The following BBIP1 variants were observed in gnomAD, a reference collection of about 807,000 sequenced individuals.
BBIP1 encodes the protein BBSome interacting protein 1.
A neutral mutation model predicts 8.9 loss-of-function variants in BBIP1; 6 were observed. The observed-to-expected ratio is 0.67, with a 90% CI of 0.37 to 1.33. The LOEUF is 1.33. BBIP1 is among the 40% of genes most tolerant of loss of function. The probability of loss-of-function intolerance (pLI) is 0.02; values close to 1 mark genes in which losing one functional copy is unlikely to be tolerated. For synonymous variants in BBIP1, 32 were observed against 33.4 expected, an observed-to-expected ratio of 0.96 and a Z score of 0.14; for missense variants, 111 against 109.2, an observed-to-expected ratio of 1.02 and a Z score of -0.07.
At position 110,901,571 on chromosome 10, in the gene BBIP1, T is replaced by TTTAATTCTTA. The variant is rs1473726560; in HGVS notation, c.78_79insTAAGAATTAA (p.Lys27Ter). 1.6e-5 allele frequency: 24 copies of TTTAATTCTTA among 1,535,586 alleles called. No individual in the cohort carries two copies. The highest frequency in any genetic ancestry group is 2.0e-5 in the Admixed American group (1 of 50,982). Reference sequence around the variant, plus strand: ...GGAAGAACTTCCCGGAACATTGACTTCACTTCTGCCATATCTGAGTTGTTG... The same window carrying TTTAATTCTTA: ...GGAAGAACTTCCCGGAACATTGACTTTTAATTCTTACACTTCTGCCATATCTGAGTTGTTG... On this transcript the variant is annotated stop_gained and frameshift_variant, in exon 3 of 4. Coordinates refer to ENST00000448814, the MANE Select transcript of BBIP1 (RefSeq NM_001195305.3). LOFTEE classifies it high-confidence loss of function.
In BBIP1 at chr10:110,900,350, C is replaced by CAGTT; in HGVS notation, c.*6_*9dup. 4.6e-6 allele frequency: 7 copies of CAGTT among 1,532,024 alleles called. No homozygotes were observed. The highest frequency in any genetic ancestry group is 6.1e-6 in the Non-Finnish European group (7 of 1,145,732). The allele number at this position is 1,532,024 out of a possible 1,614,324, so 94.9% of individuals were successfully genotyped here. On this transcript the variant is annotated 3_prime_UTR_variant, in exon 4 of 4. Transcript: ENST00000448814. ...AAGGCAGGTTGTTCCCTAAAGTGCT[C>CAGTT]AGTTATCATTCAGTGGGTTATTTGC... is the stretch of plus-strand genomic sequence containing the variant.
At chr10:110,913,284 A>C (rs1281000710) in intron 2 of BBIP1, among the ~76,000 whole-genome samples, 6 of 152,230 alleles carry the variant, frequency 3.9e-5, no homozygotes, top group Admixed American at 1.3e-4. Context: ...TGGATGTAAA[A>C]GTCCTTAGAA....
At chr10:110,907,356 TA>T (rs1846168885) in intron 2 of BBIP1, 2 of 166,848 alleles carry the variant, frequency 1.2e-5, no homozygotes, top group African/African-American at 2.4e-5. Context: ...TACAAAAAAT[TA>T]ACAAAAATTA....
At chr10:110,903,304 A>G (rs1846050358) in intron 2 of BBIP1, 1 of 152,252 alleles carries the variant, frequency 6.6e-6, no homozygotes. Context: ...TGGCCTGACA[A>G]AAACAATGAA....
Position 110,899,539 on chromosome 10 carries a change from T to C in BBIP1, c.*821A>G, listed in dbSNP as rs1184824515. ...AGGGCTGGGCACGGTGGCTCATGCCTGTAATCCCAGCACTTTGGGAGGCCG... is the reference window on the plus strand; with the variant it reads ...AGGGCTGGGCACGGTGGCTCATGCCCGTAATCCCAGCACTTTGGGAGGCCG... On this transcript the variant is annotated 3_prime_UTR_variant, in exon 4 of 4. Coordinates refer to ENST00000448814, the MANE Select transcript of BBIP1 (RefSeq NM_001195305.3). 6.6e-6 allele frequency: 1 copy of C among 152,318 alleles called. No individual in the cohort carries two copies. Among genetic ancestry groups the C allele is most frequent in the Non-Finnish European group, 1.5e-5 (1 of 68,116 alleles). The allele number at this position is 152,318 out of a possible 1,614,324, so 9.4% of individuals were successfully genotyped here. A position where few individuals can be genotyped will look rare whatever the true frequency, so the allele number is the denominator to read the frequency against.
rs530103661 is a variant in BBIP1, at chr10:110,900,872, G to A, written c.113-346C>T. The A allele has an allele frequency of 1.1e-4, 26 of 230,070 alleles. 1 individual carries two copies. Among genetic ancestry groups the A allele is most frequent in the Non-Finnish European group, 1.5e-4 (18 of 116,268 alleles). 14.3% of individuals were successfully genotyped at this position (230,070 alleles called of 1,614,324 possible). A position where few individuals can be genotyped will look rare whatever the true frequency, so the allele number is the denominator to read the frequency against. ...AATATAGCAAAATATGATATTTAAC[G>A]TAAATATTCAAATGACTGAAGGTTT... On this transcript the variant is annotated intron_variant, in intron 3 of 3. Coordinates refer to ENST00000448814, the MANE Select transcript of BBIP1 (RefSeq NM_001195305.3).
intron 2 of BBIP1, among the ~76,000 whole-genome samples, chr10:110,909,357 G>C (rs1846218684): frequency 1.3e-5 from 2 of 152,090 alleles, no homozygotes. Flanking sequence ...ACCACACCCA[G>C]CTAATTTTTT....
At chr10:110,912,996 C>A (rs890599404) in intron 2 of BBIP1, among the ~76,000 whole-genome samples, 1 of 152,138 alleles carries the variant, frequency 6.6e-6, no homozygotes, top group African/African-American at 2.4e-5. Context: ...CAATGTGTGA[C>A]CTAAATAAAA....
At chr10:110,917,998 A>G in intron 2 of BBIP1, 123 bp downstream of exon 2, 1 of 814,980 alleles carries the variant, frequency 1.2e-6, no homozygotes, top group Non-Finnish European at 2.0e-6. Context: ...AATTAACAGC[A>G]AAGAAACAAG....
intron 2 of BBIP1, chr10:110,917,835 A>G (rs978365797): frequency 1.5e-4 from 68 of 466,190 alleles, no homozygotes; most frequent in Non-Finnish European, 2.3e-4. Context: ...GCTATTATAT[A>G]TATATAACAT....
At chr10:110,917,932 G>T in intron 2 of BBIP1, 189 bp downstream of exon 2, 1 of 598,784 alleles carries the variant, frequency 1.7e-6, no homozygotes. Flanking sequence ...ACATCTCCAC[G>T]GGTAACAGAA....
chr10:110,900,743 C>G (rs1425557077), intron 3 of BBIP1: 1 of 458,644 alleles, frequency 2.2e-6, no homozygotes, highest in Non-Finnish European at 3.8e-6. Flanking sequence ...AAGTTTTGAG[C>G]GTTCTACCCA....
At position 110,898,761 on chromosome 10, in the gene BBIP1, A is replaced by G. The variant is rs1029257908; in HGVS notation, c.*1599T>C. The G allele has an allele frequency of 1.3e-5, 2 of 152,574 alleles. No homozygotes were observed. The highest frequency in any genetic ancestry group is 4.8e-5 in the African/African-American group (2 of 41,436). The allele number at this position is 152,574 out of a possible 1,614,324, so 9.5% of individuals were successfully genotyped here. A position where few individuals can be genotyped will look rare whatever the true frequency, so the allele number is the denominator to read the frequency against. On this transcript the variant is annotated 3_prime_UTR_variant, in exon 4 of 4. Coordinates refer to ENST00000448814, the MANE Select transcript of BBIP1 (RefSeq NM_001195305.3). ...AGTATTGATTCTTTATTGGGAGTAC[A>G]TTTTTTTAGGTCTCTTAAACTTTAA...
chr10:110,905,355 G>C lies in BBIP1; in HGVS notation c.38-3743C>G, dbSNP rs1318385512. On this transcript the variant is annotated intron_variant, in intron 2 of 3. Coordinates refer to ENST00000448814, the MANE Select transcript of BBIP1 (RefSeq NM_001195305.3). ...AGGCGGACGGATCACAAAGTCAGGA[G>C]ATCGAGATCATCCTGGCTAACATGG... Among the ~76,000 whole-genome samples, 3 of 152,088 alleles carry C rather than the reference G, an allele frequency of 2.0e-5. No individual in the cohort carries two copies. The East Asian group carries it at 5.8e-4, about 29-fold the overall frequency.
intron 2 of BBIP1, among the ~76,000 whole-genome samples, chr10:110,909,016 CTG>C (rs1846209257): frequency 6.6e-6 from 1 of 152,144 alleles, no homozygotes; most frequent in Non-Finnish European, 1.5e-5. Context: ...CCTAGCTACA[CTG>C]TGAAATCATA....
At chr10:110,910,143 C>T (rs1846241303) in intron 2 of BBIP1, among the ~76,000 whole-genome samples, 1 of 152,172 alleles carries the variant, frequency 6.6e-6, no homozygotes, top group Admixed American at 6.5e-5. Flanking sequence ...TTAAACATGA[C>T]ATTGGAGCTA....
intron 2 of BBIP1, among the ~76,000 whole-genome samples, chr10:110,916,693 G>A (rs1237330124): frequency 1.3e-5 from 2 of 152,158 alleles, no homozygotes; most frequent in Non-Finnish European, 2.9e-5. Context: ...AATGTCTGCA[G>A]GGTGCCAGGA....
intron 1 of BBIP1, among the ~76,000 whole-genome samples, chr10:110,918,466 G>A (rs573082524): frequency 5.9e-5 from 9 of 152,332 alleles, no homozygotes; most frequent in African/African-American, 1.9e-4. Flanking sequence ...CCTTTTATAG[G>A]TGAAGGTGGA....
chr10:110,902,261 C>A (rs186275450), intron 2 of BBIP1: 243 of 153,402 alleles, frequency 1.6e-3, no homozygotes, highest in Admixed American at 2.2e-3. Context: ...AAAGGACCAA[C>A]AATATTTAAC....
Sources: gnomAD v4.1 joint callset for allele counts (sites outside exome capture counted in the v4.1 genomes callset) on GRCh38, gnomAD v4.1.1 for gene constraint, MANE v1.5 for transcripts, NCBI Gene and HGNC (gene_info 2026-07-23, HGNC 2026-07-21) for gene names.